SGK1: variants seen among roughly 807,000 people sequenced by gnomAD.
SGK1 encodes serum/glucocorticoid regulated kinase 1.
A neutral mutation model predicts 64.2 loss-of-function variants in SGK1; 26 were observed. That is an observed-to-expected ratio of 0.40 (90% CI 0.30 to 0.56). The LOEUF is 0.56. SGK1 is among the 20% of genes least tolerant of loss of function. SGK1 has a pLI of 0.38. For synonymous variants in SGK1, 265 were observed against 239.7 expected, an observed-to-expected ratio of 1.11 and a Z score of -0.98; for missense variants, 519 against 645.6, an observed-to-expected ratio of 0.80 and a Z score of 2.12.
intron 2 of SGK1, chr6:134,230,304 TAGTC>T (rs1236567224): frequency 2.0e-5 from 3 of 152,158 alleles, no homozygotes; most frequent in African/African-American, 7.2e-5. Context: ...CTGGGCAACA[TAGTC>T]AGACCCCATT....
At chr6:134,208,858 G>A (rs1467632262) in intron 2 of SGK1, among the ~76,000 whole-genome samples, 3 of 145,178 alleles carry the variant, frequency 2.1e-5, no homozygotes, top group African/African-American at 7.5e-5. Context: ...ACGCATACAT[G>A]TATGTGTATA....
chr6:134,298,816 T>TTTATTTAA, intron 1 of SGK1: 1 of 263,420 alleles, frequency 3.8e-6, no homozygotes, highest in Non-Finnish European at 6.8e-6. Context: ...TATTTATTTA[T>TTTATTTAA]TTGAGATGGA....
At chr6:134,208,905 T>TATATAC (rs953426493) in intron 2 of SGK1, among the ~76,000 whole-genome samples, 1 of 145,824 alleles carries the variant, frequency 6.9e-6, no homozygotes. Flanking sequence ...TGTATATATA[T>TATATAC]ATACACACAC....
intron 3 of SGK1, among the ~76,000 whole-genome samples, chr6:134,186,482 C>T (rs572000579): frequency 1.1e-3 from 175 of 152,248 alleles, no homozygotes; most frequent in African/African-American, 3.9e-3. Context: ...TGTACATAGA[C>T]GCACAACATA....
At chr6:134,220,084 A>AAAAAAAAAAAAAAAAAG (rs1776065250) in intron 2 of SGK1, among the ~76,000 whole-genome samples, 1 of 131,632 alleles carries the variant, frequency 7.6e-6, no homozygotes, top group African/African-American at 2.8e-5. Context: ...AAAAAAAAAA[A>AAAAAAAAAAAAAAAAAG]AAAGAAAAGA....
chr6:134,297,535 C>T (rs1238019545), intron 1 of SGK1: 4 of 529,440 alleles, frequency 7.6e-6, no homozygotes, highest in Admixed American at 6.7e-5. Flanking sequence ...CAGAGTCTCA[C>T]TCTGTCGCCC....
At chr6:134,236,846 A>C (rs1370441066) in intron 2 of SGK1, among the ~76,000 whole-genome samples, 2 of 151,966 alleles carry the variant, frequency 1.3e-5, no homozygotes, top group Non-Finnish European at 2.9e-5. Context: ...TTCTCAAAAA[A>C]TCAAGAGGCT....
intron 2 of SGK1, among the ~76,000 whole-genome samples, chr6:134,213,078 C>T (rs1263076238): frequency 6.6e-6 from 1 of 152,078 alleles, no homozygotes; most frequent in Non-Finnish European, 1.5e-5. Context: ...CCAAAGCATC[C>T]GCGGCAAATT....
Position 134,254,869 on chromosome 6 carries a change from T to C in SGK1, c.285+7064A>G, listed in dbSNP as rs182383872. ...GATATGTCAATATATACAAATCTCA[T>C]TTTTTTTTTCTTTTTTGAGACAGAG... On this transcript the variant is annotated intron_variant, in intron 2 of 13. Transcript: ENST00000367858. Among the ~76,000 whole-genome samples the C allele has an allele frequency of 1.7e-3, 252 of 150,186 alleles. 1 individual carries two copies. The highest frequency in any genetic ancestry group is 5.5e-3 in the Admixed American group (82 of 15,018).
chr6:134,190,365 A>C (rs1425000227), intron 3 of SGK1, among the ~76,000 whole-genome samples: 1 of 149,434 alleles, frequency 6.7e-6, no homozygotes, highest in Non-Finnish European at 1.5e-5. Flanking sequence ...GGCTCACTGC[A>C]AACTCCGCCT....
intron 1 of SGK1, among the ~76,000 whole-genome samples, chr6:134,304,020 C>T (rs78189366): frequency 0.024 from 3,664 of 152,278 alleles, 66 homozygotes; most frequent in East Asian, 0.083. Flanking sequence ...TTGAAGCACT[C>T]CCTGTTAGAA....
intron 1 of SGK1, among the ~76,000 whole-genome samples, chr6:134,280,198 CAAAAA>C (rs1228218844): frequency 1.6e-5 from 1 of 64,256 alleles, no homozygotes; most frequent in Non-Finnish European, 2.9e-5. Flanking sequence ...GACACTGTCT[CAAAAA>C]AAAAAAAAAA....
At chr6:134,242,651 A>T (rs1297678249) in intron 2 of SGK1, among the ~76,000 whole-genome samples, 1 of 151,604 alleles carries the variant, frequency 6.6e-6, no homozygotes, top group Non-Finnish European at 1.5e-5. Context: ...TTTTTTTAGA[A>T]ATGGGGTCTT....
intron 3 of SGK1, among the ~76,000 whole-genome samples, chr6:134,200,399 ATC>A (rs1308292864): frequency 6.6e-6 from 1 of 152,328 alleles, no homozygotes; most frequent in Non-Finnish European, 1.5e-5. Flanking sequence ...GTATACCAGT[ATC>A]TATCTACACA....
At chr6:134,274,189 G>A (rs1339072044) in intron 1 of SGK1, among the ~76,000 whole-genome samples, 2 of 152,102 alleles carry the variant, frequency 1.3e-5, no homozygotes, top group Admixed American at 6.6e-5. Flanking sequence ...ATTTTTAGTA[G>A]AGATGGGGTT....
intron 2 of SGK1, among the ~76,000 whole-genome samples, chr6:134,232,413 GAGAA>G (rs775588688): frequency 0.02 from 956 of 47,630 alleles, 31 homozygotes; most frequent in African/African-American, 0.036. Flanking sequence ...AAGAAAGAAA[GAGAA>G]AGAAAGAAAG....
intron 1 of SGK1, among the ~76,000 whole-genome samples, chr6:134,273,618 A>C (rs1164394665): frequency 6.9e-6 from 1 of 144,218 alleles, no homozygotes; most frequent in East Asian, 2.1e-4. Flanking sequence ...AAAAAAAAAA[A>C]AAAAGCTGAG....
chr6:134,182,124 C>T (rs530058777), intron 3 of SGK1, among the ~76,000 whole-genome samples: 21 of 152,220 alleles, frequency 1.4e-4, no homozygotes, highest in African/African-American at 4.3e-4. Context: ...TCCCAAAGTG[C>T]TGGGATTACA....
intron 2 of SGK1, among the ~76,000 whole-genome samples, chr6:134,254,812 TCAA>T (rs1776656136): frequency 6.6e-6 from 1 of 152,210 alleles, no homozygotes; most frequent in African/African-American, 2.4e-5. Context: ...ATGTTCATCT[TCAA>T]CTTGCTTTTC....
Sources: allele counts gnomAD v4.1 joint callset (sites outside exome capture counted in the v4.1 genomes callset), GRCh38; gene constraint gnomAD v4.1.1; transcripts MANE v1.5; gene names NCBI Gene and HGNC (gene_info 2026-07-23, HGNC 2026-07-21).